The following TCHH variants were observed in gnomAD, a reference collection of about 807,000 sequenced individuals.
TCHH encodes the protein trichohyalin.
Under a neutral mutation model 6.3 loss-of-function variants are expected in TCHH, and 6 were observed. The ratio of observed to expected loss-of-function variants is 0.95; its 90% CI spans 0.52 to 1.88. The LOEUF is 1.88. Among genes scored for constraint, TCHH ranks in the 40% most tolerant of loss-of-function variants. TCHH has a pLI of 0.01. For missense variants in TCHH, 2,920 were observed against 2,449.1 expected (o/e 1.19, Z -4.06); for synonymous variants, 1,087 against 963.6 (o/e 1.13, Z -2.37).
rs371590731 is a variant in TCHH, at chr1:152,108,887, G to C, written c.4330C>G (p.Arg1444Gly). 401 of 1,610,742 alleles carry C rather than the reference G, an allele frequency of 2.5e-4. No individual in the cohort carries two copies. Among genetic ancestry groups the C allele is most frequent in the Non-Finnish European group, 3.3e-4 (384 of 1,179,400 alleles). Reference protein sequence around the residue: ...EEEQQVRRQERERKFLEEEQQ... With the variant: ...EEEQQVRRQEGERKFLEEEQQ... ...TCCTCCTCCAGGAATTTTCTCTCTC[G>C]TTCCTGGCGGCGCACCTGCTGTTCC... Residue 1444 changes from arginine to glycine, a missense_variant, in exon 3 of 3, where the codon CGA becomes GGA. By Grantham distance (125) the Arg-to-Gly change is moderately radical. Transcript: ENST00000614923.
At position 152,111,980 on chromosome 1, in the gene TCHH, G is replaced by GTCCTC. The variant is rs746034786; in HGVS notation, c.1236_1237insGAGGA (p.Leu413GlufsTer3). ...CGCCTCAGCTGCTGCTCGCGCCTCA[G>GTCCTC]CTGCTGCTCGCGCCTCAGCTGCTGC... On this transcript the variant is annotated frameshift_variant, in exon 3 of 3. Transcript: ENST00000614923. LOFTEE classifies it low-confidence loss of function (END_TRUNC). The GTCCTC allele has an allele frequency of 3.1e-5, 43 of 1,394,800 alleles. No individual in the cohort carries two copies. In the Admixed American group the frequency reaches 9.8e-4, roughly 32 times the overall value. 86.4% of individuals were successfully genotyped at this position (1,394,800 alleles called of 1,614,324 possible).
In TCHH at chr1:152,108,695, G is replaced by T; in HGVS notation, c.4522C>A (p.Leu1508Met). 1.2e-6 allele frequency: 2 copies of T among 1,612,222 alleles called. No individual in the cohort carries two copies. Among genetic ancestry groups the T allele is most frequent in the Non-Finnish European group, 1.7e-6 (2 of 1,179,692 alleles). Residue 1508 changes from leucine (L) to methionine (M), a missense_variant, in exon 3 of 3, where the codon CTG (leucine) becomes ATG (methionine). Leu to Met is a conservative substitution (Grantham distance 15). Coordinates refer to ENST00000614923, the MANE Select transcript of TCHH (RefSeq NM_007113.4). ...ERDRKFREQE[L>M]RSQEPERKFL... ...TTTCTCTCTGGTTCCTGACTGCGCA[G>T]TTCCTGTTCGCGGAATTTTCTGTCA...
chr1:152,112,378 T>C lies in TCHH; in HGVS notation c.839A>G (p.Lys280Arg), dbSNP rs775784861. The C allele has an allele frequency of 5.0e-6, 8 of 1,613,564 alleles. No homozygotes were observed. Among genetic ancestry groups the C allele is most frequent in the Non-Finnish European group, 6.8e-6 (8 of 1,179,956 alleles). ...ELQEEEEQLR[K>R]LERQELRRER... ...CCTCCTCAGCTCTTGCCGCTCCAGC[T>C]TCCGTAGCTGCTCTTCTTCCTCCTG... The change falls in exon 3 of 3, where the codon AAG (lysine) becomes AGG (arginine). Residue 280 changes from lysine (K) to arginine (R), a missense_variant. Physicochemically the swap from Lys to Arg is conservative, Grantham distance 26. Transcript: ENST00000614923.
At position 152,107,908 on chromosome 1, in the gene TCHH, T is replaced by G. The variant is rs761734006; in HGVS notation, c.5309A>C (p.Asp1770Ala). ...EEQQLRRQER[D>A]RKFREEEQLR... ...CTGTTCCTCCTCGCGGAATTTTCTG[T>G]CGCGCTCCTGGCGGCGCAGCTGCTG... Residue 1770 changes from aspartate to alanine, a missense_variant, in exon 3 of 3, where the codon GAC (aspartate) becomes GCC (alanine). Transcript: ENST00000614923. 1.9e-6 allele frequency: 3 copies of G among 1,614,130 alleles called. No homozygotes were observed. Among genetic ancestry groups the G allele is most frequent in the East Asian group, 4.5e-5 (2 of 44,870 alleles).
chr1:152,110,228 G>C lies in TCHH; in HGVS notation c.2989C>G (p.Gln997Glu). 1 of 1,608,160 alleles carries C rather than the reference G, an allele frequency of 6.2e-7. No individual in the cohort carries two copies. The highest frequency in any genetic ancestry group is 8.5e-7 in the Non-Finnish European group (1 of 1,177,948). ...CTCAGCAGCTGCTCTTCCTCCTGCT[G>C]CAACTCCTCTTCCTCGCGGTATTTT... ...EKKYREEEELQQEEEQLLREE... is the reference protein window; with the variant it reads ...EKKYREEEELEQEEEQLLREE... The change falls in exon 3 of 3, where the codon CAG becomes GAG. Residue 997 changes from glutamine (Q) to glutamate (E), a missense_variant. Physicochemically the swap from Gln to Glu is conservative, Grantham distance 29. Coordinates refer to ENST00000614923, the MANE Select transcript of TCHH (RefSeq NM_007113.4).
At position 152,109,889 on chromosome 1, in the gene TCHH, A is replaced by G; in HGVS notation, c.3328T>C (p.Cys1110Arg). The change falls in exon 3 of 3, where the codon TGT (cysteine) becomes CGT (arginine). Residue 1110 changes from cysteine (C) to arginine (R), a missense_variant. By Grantham distance (180) the Cys-to-Arg change is radical (BLOSUM62 -3). Coordinates refer to ENST00000614923, the MANE Select transcript of TCHH (RefSeq NM_007113.4). The stretch of plus-strand genomic sequence containing the variant: ...TGCTGCAGCTCCTCTTCCTCCCGAC[A>G]TTGCCTCTCCCGCTCCTGGCGCCTT... The part of the protein sequence containing the change: ...KRRRQERERQ[C>R]REEEELQQEE... The G allele has an allele frequency of 1.3e-6, 2 of 1,579,106 alleles. No homozygotes were observed. The highest frequency in any genetic ancestry group is 8.6e-7 in the Non-Finnish European group (1 of 1,168,472).
rs200484504 is a variant in TCHH at position 152,107,531 on chromosome 1, G to A, written c.5686C>T (p.Arg1896Cys). The part of the protein sequence containing the change: ...RRQQKEEQRH[R>C]QVGEIKSQEG... ...TGGGATTTTATCTCCCCGACTTGGC[G>A]GTGCCTCTGTTCCTCCTTCTGCTGG... The change falls in exon 3 of 3, where the codon CGC becomes TGC. Residue 1896 changes from arginine (R) to cysteine (C), a missense_variant. Physicochemically the swap from Arg to Cys is radical, Grantham distance 180. Transcript: ENST00000614923. 1.5e-5 allele frequency: 24 copies of A among 1,614,152 alleles called. No individual in the cohort carries two copies. The Admixed American group carries it at 3.7e-4, about 25-fold the overall frequency.
rs1254833666 is a variant in TCHH, at chr1:152,112,515, T to A, written c.702A>T (p.Gln234His). 1 of 1,613,294 alleles carries A rather than the reference T, an allele frequency of 6.2e-7. No individual in the cohort carries two copies. The highest frequency in any genetic ancestry group is 1.3e-5 in the African/African-American group (1 of 74,814). ...EEKQQQRRERQDRVFQEEEEK... is the reference protein window; with the variant it reads ...EEKQQQRRERHDRVFQEEEEK... Reference sequence around the variant, plus strand: ...CTTCTTCCTCCTGGAACACTCTGTCTTGCCGCTCTCGCCTTTGCTGCTGTT... The same window carrying A: ...CTTCTTCCTCCTGGAACACTCTGTCATGCCGCTCTCGCCTTTGCTGCTGTT... Residue 234 changes from glutamine to histidine, a missense_variant, in exon 3 of 3, where the codon CAA becomes CAT. Gln to His is a conservative substitution (Grantham distance 24). Coordinates refer to ENST00000614923, the MANE Select transcript of TCHH (RefSeq NM_007113.4).
rs759430429 is a variant in TCHH, at chr1:152,109,198, T to C, written c.4019A>G (p.Glu1340Gly). ...RRQETDRKFREEEQLLQEREE... is the reference protein window; with the variant it reads ...RRQETDRKFRGEEQLLQEREE... The stretch of plus-strand genomic sequence containing the variant: ...CCTTTCCTGGAGCAGCTGTTCCTCC[T>C]CGCGGAATTTTCTGTCTGTCTCTTG... Residue 1340 changes from glutamate (E) to glycine (G), a missense_variant, in exon 3 of 3, where the codon GAG (glutamate) becomes GGG (glycine). Physicochemically the swap from Glu to Gly is moderately conservative, Grantham distance 98. Coordinates refer to ENST00000614923, the MANE Select transcript of TCHH (RefSeq NM_007113.4). 6.8e-6 allele frequency: 11 copies of C among 1,614,144 alleles called. No individual in the cohort carries two copies. Among genetic ancestry groups the C allele is most frequent in the Middle Eastern group, 1.6e-4 (1 of 6,084 alleles).
At position 152,112,389 on chromosome 1, in the gene TCHH, CTCT is replaced by C. The variant is rs758306380; in HGVS notation, c.825_827del (p.Glu276del). On this transcript the variant is annotated inframe_deletion, in exon 3 of 3. Coordinates refer to ENST00000614923, the MANE Select transcript of TCHH (RefSeq NM_007113.4). ...CTTGCCGCTCCAGCTTCCGTAGCTGCTCTTCTTCCTCCTGGAGCTCTCTTTGCC... is the reference window on the plus strand; with the variant it reads ...CTTGCCGCTCCAGCTTCCGTAGCTGCTCTTCCTCCTGGAGCTCTCTTTGCC... 6.8e-6 allele frequency: 11 copies of C among 1,613,654 alleles called. No individual in the cohort carries two copies. Among genetic ancestry groups the C allele is most frequent in the Non-Finnish European group, 8.5e-6 (10 of 1,179,964 alleles).
rs747261418 is a variant in TCHH at position 152,112,389 on chromosome 1, C to G, written c.828G>C (p.Glu276Asp). 6.2e-6 allele frequency: 10 copies of G among 1,613,536 alleles called. No individual in the cohort carries two copies. The South Asian group carries it at 1.1e-4, about 18-fold the overall frequency. The change falls in exon 3 of 3, where the codon GAG (glutamate) becomes GAC (aspartate). Residue 276 changes from glutamate to aspartate, a missense_variant. Glu to Asp is a conservative substitution (Grantham distance 45). Coordinates refer to ENST00000614923, the MANE Select transcript of TCHH (RefSeq NM_007113.4). ...QRQRELQEEE[E>D]QLRKLERQEL... ...CTTGCCGCTCCAGCTTCCGTAGCTG[C>G]TCTTCTTCCTCCTGGAGCTCTCTTT...
rs767354870 is a variant in TCHH at position 152,110,961 on chromosome 1, TTCC to T, written c.2253_2255del (p.Glu752del). ...CTTCCTGCTGCTGCCGGTGAGCCCG[TTCC>T]TCCTCCTGCCATTGCAGCTCACTCT... On this transcript the variant is annotated inframe_deletion, in exon 3 of 3. Coordinates refer to ENST00000614923, the MANE Select transcript of TCHH (RefSeq NM_007113.4). 6.8e-6 allele frequency: 11 copies of T among 1,613,080 alleles called. 1 individual carries two copies. In the South Asian group the frequency reaches 1.1e-4, roughly 16 times the overall value.
At position 152,107,603 on chromosome 1, in the gene TCHH, G is replaced by A; in HGVS notation, c.5614C>T (p.Arg1872Cys). The A allele has an allele frequency of 1.2e-6, 2 of 1,614,098 alleles. No homozygotes were observed. The highest frequency in any genetic ancestry group is 2.7e-5 in the African/African-American group (2 of 75,026). ...AATTTCCTTTCCCGTTCCTGGCGAC[G>A]TTTCTGCTCCTCTTCTTGCCATAGT... ...QELWQEEEQK[R>C]RQERERKLRE... is the part of the protein sequence containing the mutation. Residue 1872 changes from arginine (R) to cysteine (C), a missense_variant, in exon 3 of 3, where the codon CGT (arginine) becomes TGT (cysteine). Coordinates refer to ENST00000614923, the MANE Select transcript of TCHH (RefSeq NM_007113.4).
Position 152,109,594 on chromosome 1 carries a change from T to C in TCHH, c.3623A>G (p.Gln1208Arg). 6.2e-7 allele frequency: 1 copy of C among 1,614,242 alleles called. No individual in the cohort carries two copies. Among genetic ancestry groups the C allele is most frequent in the Non-Finnish European group, 8.5e-7 (1 of 1,180,050 alleles). ...ATCCCGGTATCGCTGCTTCCTTTTC[T>C]GGCGCTGAAGCTCTTCCTCCTCCCG... ...QYREEEELQR[Q>R]KRKQRYRDED... is the part of the protein sequence containing the mutation. The change falls in exon 3 of 3, where the codon CAG becomes CGG. Residue 1208 changes from glutamine to arginine, a missense_variant. By Grantham distance (43) the Gln-to-Arg change is conservative. Transcript: ENST00000614923.
rs1271058600 is a variant in TCHH at position 152,109,131 on chromosome 1, G to A, written c.4086C>T (p.Phe1362=). ...PLRRQERDRK[F]REEELRHQEQ... ...CCTGATGGCGCAGTTCCTCTTCGCG[G>A]AATTTTCTGTCACGCTCTTGGCGGC... is the stretch of plus-strand genomic sequence containing the variant. The change falls in exon 3 of 3, where the codon TTC becomes TTT. Residue 1362 remains phenylalanine (F), a synonymous_variant. Coordinates refer to ENST00000614923, the MANE Select transcript of TCHH (RefSeq NM_007113.4). 1 of 1,613,438 alleles carries A rather than the reference G, an allele frequency of 6.2e-7. No individual in the cohort carries two copies. The highest frequency in any genetic ancestry group is 1.3e-5 in the African/African-American group (1 of 74,790).
In TCHH at chr1:152,107,518, T is replaced by C. The variant is rs752297672; in HGVS notation, c.5699A>G (p.Glu1900Gly). Reference sequence around the variant, plus strand: ...GCCCTTCCCTTCTTGGGATTTTATCTCCCCGACTTGGCGGTGCCTCTGTTC... The same window carrying C: ...GCCCTTCCCTTCTTGGGATTTTATCCCCCCGACTTGGCGGTGCCTCTGTTC... ...KEEQRHRQVGEIKSQEGKGHG... is the reference protein window; with the variant it reads ...KEEQRHRQVGGIKSQEGKGHG... Residue 1900 changes from glutamate (E) to glycine (G), a missense_variant, in exon 3 of 3, where the codon GAG becomes GGG. Transcript: ENST00000614923. 1.9e-5 allele frequency: 31 copies of C among 1,614,078 alleles called. No individual in the cohort carries two copies. Among genetic ancestry groups the C allele is most frequent in the Non-Finnish European group, 2.4e-5 (28 of 1,180,040 alleles).
Position 152,111,732 on chromosome 1 carries a change from C to G in TCHH, c.1485G>C (p.Glu495Asp). 6.3e-7 allele frequency: 1 copy of G among 1,595,886 alleles called. No homozygotes were observed. The highest frequency in any genetic ancestry group is 8.6e-7 in the Non-Finnish European group (1 of 1,169,148). The change falls in exon 3 of 3, where the codon GAG becomes GAC. Residue 495 changes from glutamate (E) to aspartate (D), a missense_variant. By Grantham distance (45) the Glu-to-Asp change is conservative. Transcript: ENST00000614923. ...RERWLKLEEE[E>D]RREQQERREQ... ...CGCGCCTCTCCTGCTGCTCGCGCCT[C>G]TCCTCCTCCTCGAGCTTCAGCCAAC...
In TCHH at chr1:152,108,073, T is replaced by C. The variant is rs570671728; in HGVS notation, c.5144A>G (p.Gln1715Arg). Residue 1715 changes from glutamine to arginine, a missense_variant, in exon 3 of 3, where the codon CAG becomes CGG. Transcript: ENST00000614923. The stretch of plus-strand genomic sequence containing the variant: ...TCTCTCCAGTTCCTGGCGGCGCAGC[T>C]GCTGTTCCTCCTGGAGGAATTTTCT... ...RERKFLQEEQQLRRQELERKF... is the reference protein window; with the variant it reads ...RERKFLQEEQRLRRQELERKF... The C allele has an allele frequency of 4.3e-6, 7 of 1,613,492 alleles. No individual in the cohort carries two copies. The Admixed American group carries it at 5.0e-5, about 12-fold the overall frequency.
chr1:152,113,971 A>G lies in TCHH; in HGVS notation c.110T>C (p.Leu37Pro), dbSNP rs371460932. ...AAGCACAGCTCCAAATTCCCTTTCA[A>G]GGAGGTTCTTCAGGTCTTTCTTAGT... Reference protein sequence around the residue: ...ALTKKDLKNLLEREFGAVLRR... With the variant: ...ALTKKDLKNLPEREFGAVLRR... Residue 37 changes from leucine to proline, a missense_variant, in exon 2 of 3, where the codon CTT (leucine) becomes CCT (proline). By Grantham distance (98) the Leu-to-Pro change is moderately conservative (BLOSUM62 -3). Coordinates refer to ENST00000614923, the MANE Select transcript of TCHH (RefSeq NM_007113.4). 5.0e-6 allele frequency: 8 copies of G among 1,613,632 alleles called. No individual in the cohort carries two copies. The highest frequency in any genetic ancestry group is 2.2e-5 in the East Asian group (1 of 44,856).
Sources: gnomAD v4.1 joint callset for allele counts on GRCh38, gnomAD v4.1.1 for gene constraint, MANE v1.5 for transcripts, NCBI Gene and HGNC (gene_info 2026-07-23, HGNC 2026-07-21) for gene names.